The following LRP2 variants were observed in gnomAD, a reference collection of about 807,000 sequenced individuals.
LRP2 encodes the protein LDL receptor related protein 2.
In LRP2, 172 loss-of-function variants were observed where a neutral mutation model predicts 531.0. The observed-to-expected ratio is 0.32, with a 90% CI of 0.29 to 0.37. The LOEUF (loss-of-function observed/expected upper bound fraction) is 0.37, where lower values mean the gene tolerates loss of function less well. Ranked by LOEUF, LRP2 falls within the 10% of genes least tolerant of loss-of-function variation. LRP2 has a pLI of 1.00. For missense variants in LRP2, 5,167 were observed against 5,868.3 expected, an observed-to-expected ratio of 0.88 and a Z score of 3.90; for synonymous variants, 1,992 against 2,027.6, an observed-to-expected ratio of 0.98 and a Z score of 0.47.
At chr2:169,286,028 G>A (rs1486644327) in intron 9 of LRP2, among the ~76,000 whole-genome samples, 1 of 152,172 alleles carries the variant, frequency 6.6e-6, no homozygotes, top group Non-Finnish European at 1.5e-5. Context: ...GCAAACCAAA[G>A]CAACAATTCC....
intron 14 of LRP2, among the ~76,000 whole-genome samples, chr2:169,274,042 T>A (rs932343423): frequency 2.0e-5 from 3 of 152,188 alleles, no homozygotes; most frequent in Non-Finnish European, 2.9e-5. Flanking sequence ...TTTCTAGTGG[T>A]TGGGCTTTTG....
At chr2:169,201,607 A>G (rs771444055) in intron 44 of LRP2, 21 bp downstream of exon 44, 1 of 1,614,106 alleles carries the variant, frequency 6.2e-7, no homozygotes, top group East Asian at 2.2e-5. Context: ...AAATCACAAT[A>G]AGCACTTAAG....
At chr2:169,158,067 C>T (rs62172579) in intron 63 of LRP2, among the ~76,000 whole-genome samples, 69 of 131,700 alleles carry the variant, frequency 5.2e-4, no homozygotes, top group East Asian at 1.0e-3. Context: ...TATATACACA[C>T]ACACACACAC....
At position 169,176,567 on chromosome 2, in the gene LRP2, T is replaced by C. The variant is rs755241846; in HGVS notation, c.10415A>G (p.Asn3472Ser). 1.6e-5 allele frequency: 26 copies of C among 1,614,068 alleles called. No homozygotes were observed. The highest frequency in any genetic ancestry group is 2.0e-5 in the Non-Finnish European group (24 of 1,180,032). Residue 3472 changes from asparagine (N) to serine (S), a missense_variant, in exon 54 of 79, where the codon AAC (asparagine) becomes AGC (serine). Asn to Ser is a conservative substitution (Grantham distance 46). Coordinates refer to ENST00000649046, the MANE Select transcript of LRP2 (RefSeq NM_004525.3). The stretch of plus-strand genomic sequence containing the variant: ...GCAGAGATGAGAACAGCCACCATTG[T>C]TGGTACCACAGGGATTGCTCACTAG... ...QPIVSNPCGT[N>S]NGGCSHLCLI...
Position 169,347,660 on chromosome 2 carries a change from G to T in LRP2, c.79+14661C>A, listed in dbSNP as rs370327183. The stretch of plus-strand genomic sequence containing the variant: ...AAACCCAGCAGAGAGAAATCAATCC[G>T]TACCTAAAAAGTACAGTCTTCTAGT... On this transcript the variant is annotated intron_variant, in intron 1 of 78. Coordinates refer to ENST00000649046, the MANE Select transcript of LRP2 (RefSeq NM_004525.3). 2.0e-5 allele frequency among the ~76,000 whole-genome samples: 3 copies of T among 151,764 alleles called. No individual in the cohort carries two copies. The South Asian group carries it at 6.2e-4, about 32-fold the overall frequency.
intron 9 of LRP2, among the ~76,000 whole-genome samples, chr2:169,286,144 T>C (rs536249409): frequency 2.0e-5 from 3 of 152,164 alleles, no homozygotes; most frequent in Admixed American, 6.5e-5. Flanking sequence ...TTGAAACAAA[T>C]GTGAAATAAA....
intron 1 of LRP2, among the ~76,000 whole-genome samples, chr2:169,323,683 A>G (rs1177591352): frequency 6.6e-6 from 1 of 151,098 alleles, no homozygotes; most frequent in Non-Finnish European, 1.5e-5. Context: ...ACCCACAGGG[A>G]GAAAAAAAAA....
chr2:169,291,390 C>T (rs923674479), intron 7 of LRP2, among the ~76,000 whole-genome samples: 9 of 152,108 alleles, frequency 5.9e-5, no homozygotes, highest in African/African-American at 2.2e-4. Context: ...TTTTGATTTG[C>T]TTTGTTTATT....
intron 76 of LRP2, among the ~76,000 whole-genome samples, chr2:169,136,780 G>A (rs1380454605): frequency 6.6e-6 from 1 of 152,104 alleles, no homozygotes; most frequent in Non-Finnish European, 1.5e-5. Context: ...GCACCCAGGT[G>A]AAATAAATAG....
chr2:169,245,870 G>T (rs539612528), intron 21 of LRP2, among the ~76,000 whole-genome samples: 1 of 151,980 alleles, frequency 6.6e-6, no homozygotes, highest in African/African-American at 2.4e-5. Context: ...TGTTGTTGTT[G>T]TTTGTTTGCT....
chr2:169,336,788 A>G (rs1387603837), intron 1 of LRP2, among the ~76,000 whole-genome samples: 1 of 152,176 alleles, frequency 6.6e-6, no homozygotes, highest in Non-Finnish European at 1.5e-5. Flanking sequence ...CCTCTTGTCC[A>G]CAACCGTTTG....
chr2:169,283,343 C>T (rs1683757713), intron 9 of LRP2, among the ~76,000 whole-genome samples: 1 of 152,166 alleles, frequency 6.6e-6, no homozygotes, highest in African/African-American at 2.4e-5. Context: ...ACTATGCTTT[C>T]CAACATGGCA....
intron 33 of LRP2, among the ~76,000 whole-genome samples, chr2:169,221,983 C>G (rs1337232357): frequency 6.6e-6 from 1 of 152,184 alleles, no homozygotes; most frequent in African/African-American, 2.4e-5. Flanking sequence ...GGGAACACAG[C>G]TACCCCTAGT....
At position 169,239,734 on chromosome 2, in the gene LRP2, C is replaced by T. The variant is rs773696875; in HGVS notation, c.4087G>A (p.Glu1363Lys). 3.7e-6 allele frequency: 6 copies of T among 1,613,852 alleles called. No individual in the cohort carries two copies. In the South Asian group the frequency reaches 5.5e-5, roughly 15 times the overall value. ...CSDFNGGCTH[E>K]CVQEPFGAKC... is the part of the protein sequence containing the mutation. ...GCCCCAAAGGGCTCTTGAACACACT[C>T]GTGAGTACAACCACCATTGAAATCT... is the stretch of plus-strand genomic sequence containing the variant. Residue 1363 changes from glutamate (E) to lysine (K), a missense_variant, in exon 26 of 79, where the codon GAG (glutamate) becomes AAG (lysine). By Grantham distance (56) the Glu-to-Lys change is moderately conservative. This residue lies in a region of LRP2 where 2,811 missense variants were observed against 3,058.0 expected (regional missense o/e 0.92). Coordinates refer to ENST00000649046, the MANE Select transcript of LRP2 (RefSeq NM_004525.3).
At chr2:169,135,771 C>T (rs1204754078) in intron 76 of LRP2, among the ~76,000 whole-genome samples, 2 of 152,170 alleles carry the variant, frequency 1.3e-5, no homozygotes, top group Non-Finnish European at 2.9e-5. Flanking sequence ...AAGCCCCAGT[C>T]TCATTCCAGA....
rs1157903903 is a variant in LRP2, at chr2:169,146,892, G to A, written c.12658C>T (p.Arg4220Cys). 2 of 1,614,046 alleles carry A rather than the reference G, an allele frequency of 1.2e-6. No individual in the cohort carries two copies. The highest frequency in any genetic ancestry group is 1.7e-6 in the Non-Finnish European group (2 of 1,179,998). The change falls in exon 69 of 79, where the codon CGC (arginine) becomes TGC (cysteine). Residue 4220 changes from arginine to cysteine, a missense_variant. By Grantham distance (180) the Arg-to-Cys change is radical. Coordinates refer to ENST00000649046, the MANE Select transcript of LRP2 (RefSeq NM_004525.3). The part of the protein sequence containing the change: ...IESAWMNGED[R>C]NILVFEDLGW... Reference sequence around the variant, plus strand: ...AGGTCCTCGAAAACCAGGATGTTGCGGTCCTCTCCATTCATCCAGGCAGAC... The same window carrying A: ...AGGTCCTCGAAAACCAGGATGTTGCAGTCCTCTCCATTCATCCAGGCAGAC...
In LRP2 at chr2:169,152,344, A is replaced by G. The variant is rs538373910; in HGVS notation, c.12461+455T>C. Among the ~76,000 whole-genome samples, 10 of 152,280 alleles carry G rather than the reference A, an allele frequency of 6.6e-5. 1 individual carries two copies. The highest frequency in any genetic ancestry group is 2.4e-4 in the African/African-American group (10 of 41,564). Reference sequence around the variant, plus strand: ...ACAAGATGTGGATTGTTCGTCCCCAAGATAACTACCATAGAAAAAAAGTTT... The same window carrying G: ...ACAAGATGTGGATTGTTCGTCCCCAGGATAACTACCATAGAAAAAAAGTTT... On this transcript the variant is annotated intron_variant, in intron 67 of 78. Coordinates refer to ENST00000649046, the MANE Select transcript of LRP2 (RefSeq NM_004525.3).
At chr2:169,311,598 A>C (rs1408948243) in intron 3 of LRP2, among the ~76,000 whole-genome samples, 1 of 152,066 alleles carries the variant, frequency 6.6e-6, no homozygotes, top group African/African-American at 2.4e-5. Context: ...TTTACATTTG[A>C]TGGGGAGTGC....
At chr2:169,258,850 A>G (rs1413156583) in intron 17 of LRP2, among the ~76,000 whole-genome samples, 175 bp downstream of exon 17, 1 of 151,994 alleles carries the variant, frequency 6.6e-6, no homozygotes, top group Non-Finnish European at 1.5e-5. Flanking sequence ...AATTTTTTTT[A>G]CTCCCCCAGA....
Sources: gnomAD v4.1 joint callset for allele counts (sites outside exome capture counted in the v4.1 genomes callset) on GRCh38, gnomAD v4.1.1 for gene constraint, gnomAD v4.1.1 regional missense constraint, MANE v1.5 for transcripts, NCBI Gene and HGNC (gene_info 2026-07-23, HGNC 2026-07-21) for gene names.